The following RFTN1 variants were observed in gnomAD, a reference collection of about 807,000 sequenced individuals.
RFTN1 encodes the protein raftlin, lipid raft linker 1.
In RFTN1, 26 loss-of-function variants were observed where a neutral mutation model predicts 46.5. The observed-to-expected ratio is 0.56, with a 90% CI of 0.41 to 0.78. RFTN1 has a LOEUF of 0.78. Ranked by LOEUF, RFTN1 falls within the 30% of genes least tolerant of loss-of-function variation. The pLI, the probability that RFTN1 is intolerant of heterozygous loss-of-function variation, is 0.00. For synonymous variants in RFTN1, 261 were observed against 284.2 expected (o/e 0.92, Z 0.82); for missense variants, 693 against 718.7 (o/e 0.96, Z 0.41).
In RFTN1 at chr3:16,321,209, G is replaced by A. The variant is rs2069015979; in HGVS notation, c.1332+2167C>T. Among the ~76,000 whole-genome samples, 4 of 152,160 alleles carry A rather than the reference G, an allele frequency of 2.6e-5. No individual in the cohort carries two copies. The South Asian group carries it at 8.3e-4, about 32-fold the overall frequency. ...ATAGGTTTCCTCGAGCCACAGGATGGATGGAGCTGGAGTCTTGGGGTGCAG... is the reference window on the plus strand; with the variant it reads ...ATAGGTTTCCTCGAGCCACAGGATGAATGGAGCTGGAGTCTTGGGGTGCAG... On this transcript the variant is annotated intron_variant, in intron 9 of 9. Transcript: ENST00000334133. This position sits in a 1 kb window ranked among gnomAD's most constrained non-coding sequence, Gnocchi z 4.8.
In RFTN1 at chr3:16,353,007, G is replaced by A. The variant is rs867670054; in HGVS notation, c.1146+4925C>T. 4.6e-5 allele frequency among the ~76,000 whole-genome samples: 7 copies of A among 151,652 alleles called. No homozygotes were observed. The highest frequency in any genetic ancestry group is 1.7e-4 in the African/African-American group (7 of 41,296). ...CAGCGAGACAGGGTGGAATTGGAAT[G>A]GCACATCTACACAGAGCTGAGGGAT... On this transcript the variant is annotated intron_variant, in intron 7 of 9. Coordinates refer to ENST00000334133, the MANE Select transcript of RFTN1 (RefSeq NM_015150.2). The surrounding 1 kb of genome is among the most constrained non-coding windows in gnomAD (Gnocchi z 5.4).
At position 16,428,636 on chromosome 3, in the gene RFTN1, G is replaced by C. The variant is rs1485609388; in HGVS notation, c.332+5215C>G. ...TGTACCATGTAAGGCATTACTCTAC[G>C]GAAGCTGTCGCCAAAGGACTTCAAC... On this transcript the variant is annotated intron_variant, in intron 3 of 9. Transcript: ENST00000334133. This position sits in a 1 kb window ranked among gnomAD's most constrained non-coding sequence, Gnocchi z 4.7. 4.6e-5 allele frequency among the ~76,000 whole-genome samples: 7 copies of C among 152,064 alleles called. No homozygotes were observed.
rs1411418209 is a variant in RFTN1, at chr3:16,376,572, A to C, written c.826+1146T>G. Among the ~76,000 whole-genome samples the C allele has an allele frequency of 2.0e-5, 3 of 152,206 alleles. No homozygotes were observed. Among genetic ancestry groups the C allele is most frequent in the African/African-American group, 7.2e-5 (3 of 41,456 alleles). ...AGGACGACACACTGGGCTTAAATGC[A>C]TGCTCAGCTACTTCATGAGGGCAGC... On this transcript the variant is annotated intron_variant, in intron 5 of 9. Coordinates refer to ENST00000334133, the MANE Select transcript of RFTN1 (RefSeq NM_015150.2). The surrounding 1 kb of genome is among the most constrained non-coding windows in gnomAD (Gnocchi z 4.7).
chr3:16,435,565 C>T (rs189644215), intron 2 of RFTN1, among the ~76,000 whole-genome samples: 12 of 152,132 alleles, frequency 7.9e-5, no homozygotes, highest in South Asian at 2.1e-4. Context: ...AGCTAAACTC[C>T]GTCTCAAAAA....
intron 3 of RFTN1, among the ~76,000 whole-genome samples, chr3:16,415,011 A>G (rs1311891958): frequency 6.6e-6 from 1 of 152,146 alleles, no homozygotes; most frequent in Non-Finnish European, 1.5e-5. Flanking sequence ...GAGAAGTGAC[A>G]TGATCTGGTG....
chr3:16,461,663 A>C (rs2124928976), intron 2 of RFTN1, among the ~76,000 whole-genome samples: 1 of 152,324 alleles, frequency 6.6e-6, no homozygotes, highest in African/African-American at 2.4e-5. Flanking sequence ...TTACCTAGCT[A>C]CTTCAAATTA....
chr3:16,373,991 C>T lies in RFTN1; in HGVS notation c.827-3712G>A, dbSNP rs564865197. On this transcript the variant is annotated intron_variant, in intron 5 of 9. Coordinates refer to ENST00000334133, the MANE Select transcript of RFTN1 (RefSeq NM_015150.2). ...AATAGCAGGTACTAATAGTGAGGCCCGCTTGCCAGGGCAGCAGGAAAGGCA... is the reference window on the plus strand; with the variant it reads ...AATAGCAGGTACTAATAGTGAGGCCTGCTTGCCAGGGCAGCAGGAAAGGCA... 1.3e-4 allele frequency among the ~76,000 whole-genome samples: 20 copies of T among 152,284 alleles called. No individual in the cohort carries two copies. In the South Asian group the frequency reaches 2.1e-3, roughly 16 times the overall value.
At chr3:16,364,919 G>A (rs1223730913) in intron 6 of RFTN1, among the ~76,000 whole-genome samples, 2 of 152,202 alleles carry the variant, frequency 1.3e-5, no homozygotes, top group Non-Finnish European at 2.9e-5. Flanking sequence ...GGCTTGTTAA[G>A]TTCTACGTCT....
At chr3:16,395,124 T>C (rs1452856160) in intron 4 of RFTN1, among the ~76,000 whole-genome samples, 1 of 152,244 alleles carries the variant, frequency 6.6e-6, no homozygotes, top group Non-Finnish European at 1.5e-5. Context: ...ATTAAATTAT[T>C]ATAAGCAGAA....
At chr3:16,439,141 G>A (rs181301742) in intron 2 of RFTN1, among the ~76,000 whole-genome samples, 1 of 152,014 alleles carries the variant, frequency 6.6e-6, no homozygotes, top group African/African-American at 2.4e-5. Context: ...TGATCTTAAA[G>A]CAATAAAAAA....
At chr3:16,503,750 C>T (rs1046249971) in intron 1 of RFTN1, among the ~76,000 whole-genome samples, 1 of 152,152 alleles carries the variant, frequency 6.6e-6, no homozygotes, top group Admixed American at 6.5e-5. Flanking sequence ...TGCCATCCTC[C>T]CAGGCAAGCA....
rs1372571260 is a variant in RFTN1, at chr3:16,428,489, C to A, written c.332+5362G>T. Among the ~76,000 whole-genome samples the A allele has an allele frequency of 6.6e-6, 1 of 152,218 alleles. No homozygotes were observed. The highest frequency in any genetic ancestry group is 1.5e-5 in the Non-Finnish European group (1 of 68,032). ...TTTGATTGTACACATTTTCCACCTTCCACAAGAATTTTAGAATTGCAGCCT... is the reference window on the plus strand; with the variant it reads ...TTTGATTGTACACATTTTCCACCTTACACAAGAATTTTAGAATTGCAGCCT... On this transcript the variant is annotated intron_variant, in intron 3 of 9. Coordinates refer to ENST00000334133, the MANE Select transcript of RFTN1 (RefSeq NM_015150.2). This position sits in a 1 kb window ranked among gnomAD's most constrained non-coding sequence, Gnocchi z 4.7.
intron 6 of RFTN1, 45 bp from the exon 7 acceptor site, chr3:16,358,092 G>A (rs764191535): frequency 1.4e-5 from 15 of 1,051,104 alleles, no homozygotes; most frequent in African/African-American, 6.3e-5. Flanking sequence ...TCTGTAAACC[G>A]TCTGTGGCAG....
rs2076765933 is a variant in RFTN1, at chr3:16,504,387, T to C, written c.-9+9055A>G. Among the ~76,000 whole-genome samples the C allele has an allele frequency of 6.6e-6, 1 of 152,364 alleles. No individual in the cohort carries two copies. The highest frequency in any genetic ancestry group is 3.4e-3 in the Middle Eastern group (1 of 294). ...CTCATTTTCAGTTCCACACTGATTT[T>C]CTTAGCAACTACCCAAAATGTAGCT... On this transcript the variant is annotated intron_variant, in intron 1 of 9. Coordinates refer to ENST00000334133, the MANE Select transcript of RFTN1 (RefSeq NM_015150.2). This position sits in a 1 kb window ranked among gnomAD's most constrained non-coding sequence, Gnocchi z 4.4.
chr3:16,326,827 G>C lies in RFTN1; in HGVS notation c.1196C>G (p.Ala399Gly). ...DYVPLLNSLA[A>G]YGWQLTCVLP... is the part of the protein sequence containing the mutation. Reference sequence around the variant, plus strand: ...CACACAGGTGAGCTGCCAGCCATAGGCCGCCAGCGAGTTCAGCAGGGGCAC... The same window carrying C: ...CACACAGGTGAGCTGCCAGCCATAGCCCGCCAGCGAGTTCAGCAGGGGCAC... Residue 399 changes from alanine (A) to glycine (G), a missense_variant, in exon 8 of 10, where the codon GCC becomes GGC. Ala to Gly is a moderately conservative substitution (Grantham distance 60). Transcript: ENST00000334133. 1 of 1,614,124 alleles carries C rather than the reference G, an allele frequency of 6.2e-7. No individual in the cohort carries two copies. The highest frequency in any genetic ancestry group is 8.5e-7 in the Non-Finnish European group (1 of 1,180,026).
rs1377900821 is a variant in RFTN1 at position 16,411,684 on chromosome 3, G to T, written c.333-2201C>A. ...TTCCAGACCTTTGAAAAGAAGACTT[G>T]GTCAAGACACACTGTCATACGTACC... On this transcript the variant is annotated intron_variant, in intron 3 of 9. Transcript: ENST00000334133. Among the ~76,000 whole-genome samples the T allele has an allele frequency of 2.6e-5, 4 of 152,196 alleles. No homozygotes were observed. The East Asian group carries it at 7.7e-4, about 29-fold the overall frequency.
At chr3:16,436,714 A>G (rs1321818267) in intron 2 of RFTN1, among the ~76,000 whole-genome samples, 2 of 152,208 alleles carry the variant, frequency 1.3e-5, no homozygotes, top group Non-Finnish European at 2.9e-5. Flanking sequence ...TTGAGATGCC[A>G]TATATCATAT....
rs890795418 is a variant in RFTN1 at position 16,499,242 on chromosome 3, C to A, written c.-8-5365G>T. ...ATCCACTGACATTCCTCCTATTGAG[C>A]CTATTGAGAGGTGAGGTCTATGTCA... On this transcript the variant is annotated intron_variant, in intron 1 of 9. Coordinates refer to ENST00000334133, the MANE Select transcript of RFTN1 (RefSeq NM_015150.2). This position sits in a 1 kb window ranked among gnomAD's most constrained non-coding sequence, Gnocchi z 4.9. Among the ~76,000 whole-genome samples, 1 of 152,150 alleles carries A rather than the reference C, an allele frequency of 6.6e-6. No individual in the cohort carries two copies. Among genetic ancestry groups the A allele is most frequent in the Non-Finnish European group, 1.5e-5 (1 of 68,032 alleles).
chr3:16,496,133 A>C (rs2076622993), intron 1 of RFTN1, among the ~76,000 whole-genome samples: 1 of 152,270 alleles, frequency 6.6e-6, no homozygotes, highest in South Asian at 2.1e-4. Flanking sequence ...ACATTTGTCA[A>C]GTGGTGCACT....
Sources: gnomAD v4.1 joint callset for allele counts (sites outside exome capture counted in the v4.1 genomes callset) on GRCh38, gnomAD v4.1.1 for gene constraint, Gnocchi (gnomAD v3.1) non-coding constraint, MANE v1.5 for transcripts, NCBI Gene and HGNC (gene_info 2026-07-23, HGNC 2026-07-21) for gene names.